BDNF: variants seen among roughly 807,000 people sequenced by gnomAD.
The protein encoded by BDNF is neurotrophic factor BDNF precursor form.
A neutral mutation model predicts 19.5 loss-of-function variants in BDNF; 1 was observed. That is an observed-to-expected ratio of 0.05 (90% CI 0.02 to 0.24). The LOEUF is 0.24. Ranked by LOEUF, BDNF falls within the 10% of genes least tolerant of loss-of-function variation. The pLI, the probability that BDNF is intolerant of heterozygous loss-of-function variation, is 1.00. For synonymous variants in BDNF, 100 were observed against 121.6 expected (o/e 0.82, Z 1.17); for missense variants, 195 against 317.6 (o/e 0.61, Z 2.93).
rs187435518 is a variant in BDNF, at chr11:27,656,718, G to A, written c.*1103C>T. 43 of 985,008 alleles carry A rather than the reference G, an allele frequency of 4.4e-5. No individual in the cohort carries two copies. In the East Asian group the frequency reaches 3.3e-3, roughly 76 times the overall value. The allele number at this position is 985,008 out of a possible 1,614,324, so 61.0% of individuals were successfully genotyped here. The stretch of plus-strand genomic sequence containing the variant: ...AAGACATTGTTAAGCCTCACCATGA[G>A]TTTTTTTTAAGCTTAGCCATGATTT... On this transcript the variant is annotated 3_prime_UTR_variant, in exon 2 of 2. Coordinates refer to ENST00000356660, the MANE Select transcript of BDNF (RefSeq NM_001709.5).
upstream of BDNF, among the ~76,000 whole-genome samples, chr11:27,703,138 C>T (rs1308065535): frequency 6.6e-6 from 1 of 152,096 alleles, no homozygotes; most frequent in East Asian, 1.9e-4. Flanking sequence ...ATGTGAAATA[C>T]GCAGGCTAAC....
chr11:27,666,854 T>C (rs1169431305), intron 1 of BDNF, among the ~76,000 whole-genome samples: 1 of 152,156 alleles, frequency 6.6e-6, no homozygotes, highest in Non-Finnish European at 1.5e-5. Flanking sequence ...TGCAGGATAT[T>C]ATCCAGGAGA....
intron 1 of BDNF, chr11:27,665,434 C>G (rs575148704): frequency 6.6e-6 from 1 of 152,478 alleles, no homozygotes; most frequent in Non-Finnish European, 1.5e-5. Flanking sequence ...ACAGTGGGTA[C>G]AACCCACGGA....
chr11:27,699,084 C>T (rs1029662899), intron 1 of BDNF, among the ~76,000 whole-genome samples: 4 of 151,840 alleles, frequency 2.6e-5, no homozygotes, highest in Non-Finnish European at 4.4e-5. Flanking sequence ...TACCACTTCC[C>T]CACCCCCAGC....
chr11:27,657,725 TA>T lies in BDNF; in HGVS notation c.*95del, dbSNP rs769564673. ...CATTTATACATGCAGTTCATAAAAT[TA>T]TTTTTTTCTTAACTGAATAATTTAC... On this transcript the variant is annotated 3_prime_UTR_variant, in exon 2 of 2. Coordinates refer to ENST00000356660, the MANE Select transcript of BDNF (RefSeq NM_001709.5). This position sits in a 1 kb window ranked among gnomAD's most constrained non-coding sequence, Gnocchi z 5.0. 33 of 1,555,958 alleles carry T rather than the reference TA, an allele frequency of 2.1e-5. No homozygotes were observed. The highest frequency in any genetic ancestry group is 2.8e-5 in the Non-Finnish European group (32 of 1,157,992).
chr11:27,709,698 G>C (rs1451946719), intron 1 of BDNF, among the ~76,000 whole-genome samples: 1 of 152,146 alleles, frequency 6.6e-6, no homozygotes, highest in Non-Finnish European at 1.5e-5. Flanking sequence ...GCCCAAGATT[G>C]TTCAGATAGA....
In BDNF at chr11:27,658,840, A is replaced by G; in HGVS notation, c.-21-255T>C. On this transcript the variant is annotated intron_variant, in intron 1 of 1. Transcript: ENST00000356660. The surrounding 1 kb of genome is among the most constrained non-coding windows in gnomAD (Gnocchi z 5.7). The stretch of plus-strand genomic sequence containing the variant: ...TAAACCTGAGATTAGATGGCTTCTA[A>G]GCAAGTGCAAAAATTGTGGCTTCAA... 7.4e-7 allele frequency: 1 copy of G among 1,353,366 alleles called. No individual in the cohort carries two copies. Among genetic ancestry groups the G allele is most frequent in the Non-Finnish European group, 9.6e-7 (1 of 1,046,564 alleles). 83.8% of individuals were successfully genotyped at this position (1,353,366 alleles called of 1,614,324 possible).
intron 1 of BDNF, among the ~76,000 whole-genome samples, chr11:27,698,830 A>G (rs1219555772): frequency 6.6e-6 from 1 of 152,146 alleles, no homozygotes; most frequent in Non-Finnish European, 1.5e-5. Flanking sequence ...TGCTACTGAC[A>G]TTAAGGAGTA....
At chr11:27,674,297 C>T (rs368603984) in intron 1 of BDNF, 11 of 1,553,264 alleles carry the variant, frequency 7.1e-6, no homozygotes, top group African/African-American at 2.7e-5. Flanking sequence ...AGTTGTCCTT[C>T]GGGTTATTTT....
Position 27,658,581 on chromosome 11 carries a change from T to C in BDNF, c.-17A>G, listed in dbSNP as rs1243802728. Reference sequence around the variant, plus strand: ...GATGGTCATCACTCTTCTCACCTGGTGGAACTGTAGGGAGAAAGCAGAAAC... The same window carrying C: ...GATGGTCATCACTCTTCTCACCTGGCGGAACTGTAGGGAGAAAGCAGAAAC... On this transcript the variant is annotated 5_prime_UTR_variant, in exon 2 of 2. Transcript: ENST00000356660. This position sits in a 1 kb window ranked among gnomAD's most constrained non-coding sequence, Gnocchi z 5.7. 1 of 1,614,088 alleles carries C rather than the reference T, an allele frequency of 6.2e-7. No homozygotes were observed. Among genetic ancestry groups the C allele is most frequent in the Admixed American group, 1.7e-5 (1 of 60,002 alleles).
intron 1 of BDNF, chr11:27,660,010 C>T (rs748963494): frequency 7.5e-5 from 19 of 254,288 alleles, no homozygotes; most frequent in Non-Finnish European, 1.2e-4. Flanking sequence ...CCAGCCCTGA[C>T]CCTAATTTTA....
intron 1 of BDNF, among the ~76,000 whole-genome samples, chr11:27,690,861 T>C (rs540412016): frequency 6.6e-6 from 1 of 152,020 alleles, no homozygotes; most frequent in South Asian, 2.1e-4. Context: ...AAGAACAGAT[T>C]CCTGAATACT....
intron 1 of BDNF, chr11:27,699,280 T>C (rs1859599156): frequency 1.3e-6 from 2 of 1,509,602 alleles, no homozygotes. Flanking sequence ...CCGAGGCTTC[T>C]TCCTTAGGGA....
At chr11:27,686,618 G>T (rs1647361250) in intron 1 of BDNF, among the ~76,000 whole-genome samples, 1 of 152,084 alleles carries the variant, frequency 6.6e-6, no homozygotes, top group South Asian at 2.1e-4. Context: ...CTCAGCATTT[G>T]CTCGTCTGTA....
At chr11:27,668,915 C>T (rs1415601648) in intron 1 of BDNF, among the ~76,000 whole-genome samples, 2 of 152,156 alleles carry the variant, frequency 1.3e-5, no homozygotes, top group Non-Finnish European at 2.9e-5. Context: ...TTTATGAGGC[C>T]AGCATCATCC....
At chr11:27,670,601 T>C (rs1831006963) in intron 1 of BDNF, among the ~76,000 whole-genome samples, 1 of 152,120 alleles carries the variant, frequency 6.6e-6, no homozygotes, top group African/African-American at 2.4e-5. Context: ...GGGTGAAGGA[T>C]ATGAACAGAC....
chr11:27,715,218 A>T (rs1860466939), intron 1 of BDNF, among the ~76,000 whole-genome samples: 1 of 152,202 alleles, frequency 6.6e-6, no homozygotes, highest in African/African-American at 2.4e-5. Flanking sequence ...GATCCACATA[A>T]GTATCAGAAC....
intron 1 of BDNF, among the ~76,000 whole-genome samples, chr11:27,706,765 A>G (rs1013543766): frequency 3.9e-4 from 60 of 152,324 alleles, no homozygotes; most frequent in Non-Finnish European, 6.0e-4. Context: ...GGGAAAAACT[A>G]AAGGGAAGAT....
chr11:27,699,559 T>C, intron 1 of BDNF: 2 of 1,548,036 alleles, frequency 1.3e-6, no homozygotes, highest in South Asian at 1.2e-5. Flanking sequence ...TCGCAGACCC[T>C]TTCAGTTCCC....
Sources: gnomAD v4.1 joint callset for allele counts (sites outside exome capture counted in the v4.1 genomes callset) on GRCh38, gnomAD v4.1.1 for gene constraint, Gnocchi (gnomAD v3.1) non-coding constraint, MANE v1.5 for transcripts, NCBI Gene and HGNC (gene_info 2026-07-23, HGNC 2026-07-21) for gene names.